The following FOXN3 variants were observed in gnomAD, a reference collection of about 807,000 sequenced individuals.
The protein encoded by FOXN3 is forkhead box N3.
In FOXN3, 7 loss-of-function variants were observed where a neutral mutation model predicts 38.4. The ratio of observed to expected loss-of-function variants is 0.18; its 90% CI spans 0.10 to 0.34. The LOEUF (loss-of-function observed/expected upper bound fraction) is 0.34. Among genes scored for constraint, FOXN3 ranks in the 10% least tolerant of loss-of-function variants. FOXN3 has a pLI of 1.00. For missense variants in FOXN3, 456 were observed against 613.4 expected (o/e 0.74, Z 2.71); for synonymous variants, 230 against 242.2 (o/e 0.95, Z 0.47).
chr14:89,262,954 T>TTA (rs573301188), intron 4 of FOXN3, among the ~76,000 whole-genome samples: 2 of 152,208 alleles, frequency 1.3e-5, no homozygotes, highest in Admixed American at 6.5e-5. Flanking sequence ...ACTGGTATAA[T>TTA]TATATATGTT....
intron 4 of FOXN3, among the ~76,000 whole-genome samples, chr14:89,192,594 ACTATATAATATAAG>A (rs1887986174): frequency 7.0e-6 from 1 of 142,172 alleles, no homozygotes; most frequent in Non-Finnish European, 1.5e-5. Flanking sequence ...TGTAATATAA[ACTATATAATATAAG>A]CTATATAAAC....
chr14:89,517,093 A>G (rs1179530696), intron 1 of FOXN3, among the ~76,000 whole-genome samples: 1 of 152,136 alleles, frequency 6.6e-6, no homozygotes, highest in Admixed American at 6.6e-5. Flanking sequence ...AGCTTTCCTG[A>G]AAAATGACTG....
At chr14:89,359,210 C>T (rs532723023) in intron 2 of FOXN3, among the ~76,000 whole-genome samples, 6 of 151,880 alleles carry the variant, frequency 4.0e-5, no homozygotes, top group South Asian at 2.1e-4. Context: ...GCAGGAGAAT[C>T]GCTTGAACCC....
chr14:89,454,686 G>A (rs184402113), intron 1 of FOXN3, among the ~76,000 whole-genome samples: 3 of 152,318 alleles, frequency 2.0e-5, no homozygotes, highest in East Asian at 1.9e-4. Context: ...TTAAAAGAAC[G>A]AGGTAAACTG....
intron 1 of FOXN3, among the ~76,000 whole-genome samples, chr14:89,433,501 T>C (rs183321392): frequency 5.2e-4 from 77 of 148,286 alleles, no homozygotes; most frequent in Non-Finnish European, 8.7e-4. Context: ...AACAAACAAA[T>C]AAATACATAA....
chr14:89,418,637 C>T (rs919541557), upstream of FOXN3, among the ~76,000 whole-genome samples: 3 of 152,036 alleles, frequency 2.0e-5, no homozygotes, highest in African/African-American at 7.2e-5. Flanking sequence ...GCGACCTACC[C>T]AAAGTCACTA....
chr14:89,307,194 T>C (rs1316058500), intron 3 of FOXN3, among the ~76,000 whole-genome samples: 1 of 152,228 alleles, frequency 6.6e-6, no homozygotes, highest in Non-Finnish European at 1.5e-5. Flanking sequence ...TGTGGAACGC[T>C]AATCTAATTA....
chr14:89,592,510 A>G (rs1005633557), intron 1 of FOXN3, among the ~76,000 whole-genome samples: 1 of 152,242 alleles, frequency 6.6e-6, no homozygotes, highest in African/African-American at 2.4e-5. Context: ...ATCTGTTCAC[A>G]TAGAAAAGAT....
intron 4 of FOXN3, among the ~76,000 whole-genome samples, chr14:89,277,632 G>A (rs562382665): frequency 2.0e-5 from 3 of 152,176 alleles, no homozygotes; most frequent in East Asian, 1.9e-4. Context: ...GGAGGACCTC[G>A]AGAACAACCA....
chr14:89,196,145 G>A (rs769640578), intron 4 of FOXN3, among the ~76,000 whole-genome samples: 4 of 152,138 alleles, frequency 2.6e-5, no homozygotes, highest in Admixed American at 1.3e-4. Context: ...CTGGAAAACG[G>A]TCACACGTCT....
intron 2 of FOXN3, among the ~76,000 whole-genome samples, chr14:89,375,437 C>T (rs1056404525): frequency 2.6e-5 from 4 of 152,150 alleles, no homozygotes; most frequent in African/African-American, 9.7e-5. Flanking sequence ...TAATTCAATA[C>T]TGATTATGTA....
intron 5 of FOXN3, among the ~76,000 whole-genome samples, chr14:89,173,322 A>C (rs1396727489): frequency 6.6e-6 from 1 of 152,262 alleles, no homozygotes; most frequent in Non-Finnish European, 1.5e-5. Flanking sequence ...ATGTGTGTGA[A>C]GATGTGGAGG....
rs1481128073 is a variant in FOXN3 at position 89,329,960 on chromosome 14, T to C, written c.680+20712A>G. 4.6e-5 allele frequency among the ~76,000 whole-genome samples: 7 copies of C among 150,582 alleles called. No homozygotes were observed. The South Asian group carries it at 1.3e-3, about 27-fold the overall frequency. ...GGGTGGACCTAAAACTCACAGACTA[T>C]GCTAACGGTTTCAAGATCATTATCA... is the stretch of plus-strand genomic sequence containing the variant. On this transcript the variant is annotated intron_variant, in intron 3 of 5. Transcript: ENST00000557258.
At chr14:89,279,353 T>C (rs1010501297) in intron 4 of FOXN3, among the ~76,000 whole-genome samples, 7 of 152,152 alleles carry the variant, frequency 4.6e-5, no homozygotes, top group African/African-American at 1.4e-4. Context: ...AGAAACCTTA[T>C]CAATATTAAT....
chr14:89,348,557 T>A (rs1162052629), intron 3 of FOXN3, among the ~76,000 whole-genome samples: 1 of 152,128 alleles, frequency 6.6e-6, no homozygotes, highest in African/African-American at 2.4e-5. Flanking sequence ...ACTTAAGGCA[T>A]GGAAGAGGCA....
At chr14:89,291,046 T>C in intron 3 of FOXN3, 1 of 471,900 alleles carries the variant, frequency 2.1e-6, no homozygotes, top group Non-Finnish European at 4.2e-6. Context: ...TCACTCCAAA[T>C]GTTCACATAT....
At position 89,360,533 on chromosome 14, in the gene FOXN3, G is replaced by A. The variant is rs1000605512; in HGVS notation, c.544-9725C>T. 8.7e-5 allele frequency among the ~76,000 whole-genome samples: 12 copies of A among 138,536 alleles called. No homozygotes were observed. The East Asian group carries it at 2.5e-3, about 29-fold the overall frequency. The allele number at this position is 138,536 out of a possible 152,430, so 90.9% of individuals were successfully genotyped here. ...CGGTGAGAGAGAGAAGGAAAAAAAGGGACACAGAGGGAGTGACGGAAGGAG... is the reference window on the plus strand; with the variant it reads ...CGGTGAGAGAGAGAAGGAAAAAAAGAGACACAGAGGGAGTGACGGAAGGAG... On this transcript the variant is annotated intron_variant, in intron 2 of 5. Transcript: ENST00000557258.
intron 1 of FOXN3, among the ~76,000 whole-genome samples, chr14:89,434,655 G>A: frequency 6.6e-6 from 1 of 152,090 alleles, no homozygotes; most frequent in East Asian, 1.9e-4. Flanking sequence ...CAGCTGTAGA[G>A]GTACCCATTT....
At chr14:89,339,386 A>T (rs1051461405) in intron 3 of FOXN3, among the ~76,000 whole-genome samples, 4 of 152,178 alleles carry the variant, frequency 2.6e-5, no homozygotes, top group African/African-American at 9.7e-5. Flanking sequence ...GGGAGGCTCT[A>T]ACCTGAGCCT....
Sources: gnomAD v4.1 joint callset for allele counts (sites outside exome capture counted in the v4.1 genomes callset) on GRCh38, gnomAD v4.1.1 for gene constraint, MANE v1.5 for transcripts, NCBI Gene and HGNC (gene_info 2026-07-23, HGNC 2026-07-21) for gene names.